The following SATB1 variants were observed in gnomAD, a reference collection of about 807,000 sequenced individuals.
The protein encoded by SATB1 is DNA-binding protein SATB1.
Under a neutral mutation model 86.9 loss-of-function variants are expected in SATB1, and 11 were observed. The ratio of observed to expected loss-of-function variants is 0.13; its 90% CI spans 0.08 to 0.21. The LOEUF (loss-of-function observed/expected upper bound fraction) is 0.21. Ranked by LOEUF, SATB1 falls within the 10% of genes least tolerant of loss-of-function variation. The pLI is 1.00. For missense variants in SATB1, 551 were observed against 937.6 expected (o/e 0.59, Z 5.39); for synonymous variants, 357 against 357.2 (o/e 1.00, Z 0.01).
Position 18,415,249 on chromosome 3 carries a change from G to C in SATB1, c.516-15C>G. The C allele has an allele frequency of 5.6e-6, 9 of 1,612,172 alleles. No homozygotes were observed. The highest frequency in any genetic ancestry group is 7.6e-6 in the Non-Finnish European group (9 of 1,178,728). On this transcript the variant is annotated splice_polypyrimidine_tract_variant and intron_variant, in intron 4 of 10. Coordinates refer to ENST00000338745, the MANE Select transcript of SATB1 (RefSeq NM_002971.6). ...GTTTGGGGCAACTATTTGAGACATA[G>C]ATTAGAAAGGGGATTATTACAAGAT...
At chr3:18,374,546 T>C (rs1294099563) in intron 9 of SATB1, among the ~76,000 whole-genome samples, 2 of 152,198 alleles carry the variant, frequency 1.3e-5, no homozygotes, top group Non-Finnish European at 2.9e-5. Context: ...TTTTAAAGTT[T>C]GCATTAGCCT....
chr3:18,420,634 G>T, intron 2 of SATB1, 123 bp downstream of exon 2: 2 of 760,706 alleles, frequency 2.6e-6, no homozygotes, highest in Non-Finnish European at 2.3e-6. Flanking sequence ...ACTAATGTAC[G>T]ATCATAAGGA....
At chr3:18,422,346 TC>T (rs1047013262) in intron 1 of SATB1, among the ~76,000 whole-genome samples, 6 of 152,168 alleles carry the variant, frequency 3.9e-5, no homozygotes, top group African/African-American at 1.4e-4. Context: ...TACCATATAA[TC>T]AAGAAAAGGG....
At chr3:18,404,134 T>G (rs1697403152) in intron 5 of SATB1, among the ~76,000 whole-genome samples, 1 of 152,104 alleles carries the variant, frequency 6.6e-6, no homozygotes. Flanking sequence ...GAAATGAATT[T>G]GTTGAAAATT....
chr3:18,407,208 C>G (rs902229968), intron 5 of SATB1, among the ~76,000 whole-genome samples: 2 of 152,048 alleles, frequency 1.3e-5, no homozygotes, highest in Non-Finnish European at 2.9e-5. Flanking sequence ...CCTAGGGTAT[C>G]ATATATGCTA....
At position 18,378,223 on chromosome 3, in the gene SATB1, G is replaced by A. The variant is rs375438006; in HGVS notation, c.1522C>T (p.Arg508Cys). Reference sequence around the variant, plus strand: ...AACAGTGCTTGAGACACTTTAGCACGCTTCATTTCCTGCTGAATCTCATCA... The same window carrying A: ...AACAGTGCTTGAGACACTTTAGCACACTTCATTTCCTGCTGAATCTCATCA... ...IYDEIQQEMK[R>C]AKVSQALFAK... The change falls in exon 9 of 11, where the codon CGT (arginine) becomes TGT (cysteine). Residue 508 changes from arginine (R) to cysteine (C), a missense_variant. By Grantham distance (180) the Arg-to-Cys change is radical. Transcript: ENST00000338745. 6.2e-7 allele frequency: 1 copy of A among 1,609,270 alleles called. No individual in the cohort carries two copies. Among genetic ancestry groups the A allele is most frequent in the African/African-American group, 1.3e-5 (1 of 74,652 alleles).
chr3:18,387,774 A>G (rs1696419083), intron 7 of SATB1, among the ~76,000 whole-genome samples: 1 of 152,212 alleles, frequency 6.6e-6, no homozygotes, highest in Admixed American at 6.5e-5. Context: ...TATCCTGCAG[A>G]AACAGTTAAA....
chr3:18,356,989 T>C (rs1484265854), intron 9 of SATB1, among the ~76,000 whole-genome samples: 2 of 151,834 alleles, frequency 1.3e-5, no homozygotes, highest in African/African-American at 4.8e-5. Context: ...GTATATATTA[T>C]CATTATGTAC....
intron 2 of SATB1, among the ~76,000 whole-genome samples, chr3:18,420,184 A>G (rs557423851): frequency 1.3e-5 from 2 of 152,202 alleles, no homozygotes; most frequent in Non-Finnish European, 2.9e-5. Flanking sequence ...TTCCCCTTAT[A>G]AACTTGCCTA....
In SATB1 at chr3:18,349,246, G is replaced by T. The variant is rs781346971; in HGVS notation, c.2216C>A (p.Thr739Asn). The stretch of plus-strand genomic sequence containing the variant: ...TTCTTCTAGTTTCACTGAAAAAAGG[G>T]TGTTAGTATTTTTATCTTGGACACT... ...EESVQDKNTN[T>N]LFSVKLEEEL... Residue 739 changes from threonine (T) to asparagine (N), a missense_variant, in exon 11 of 11, where the codon ACC (threonine) becomes AAC (asparagine). Physicochemically the swap from Thr to Asn is moderately conservative, Grantham distance 65. Around this residue, in one of 8 missense-constraint regions of SATB1, gnomAD observed 41 missense variants for 38.9 expected, o/e 1.06. Coordinates refer to ENST00000338745, the MANE Select transcript of SATB1 (RefSeq NM_002971.6). The surrounding 1 kb of genome is among the most constrained non-coding windows in gnomAD (Gnocchi z 5.5). The T allele has an allele frequency of 2.5e-6, 4 of 1,614,182 alleles. 1 individual carries two copies. In the South Asian group the frequency reaches 3.3e-5, roughly 13 times the overall value.
intron 9 of SATB1, among the ~76,000 whole-genome samples, chr3:18,372,177 G>A (rs1695507767): frequency 6.6e-6 from 1 of 152,168 alleles, no homozygotes; most frequent in Admixed American, 6.5e-5. Context: ...GCTGTAAAGG[G>A]ACCACTCTTG....
chr3:18,411,298 G>A (rs1326606282), intron 5 of SATB1, among the ~76,000 whole-genome samples: 3 of 152,038 alleles, frequency 2.0e-5, no homozygotes, highest in Non-Finnish European at 2.9e-5. Flanking sequence ...GAGTATGTAC[G>A]CCCACATGTG....
chr3:18,365,629 A>G (rs1303858481), intron 9 of SATB1, among the ~76,000 whole-genome samples: 8 of 152,198 alleles, frequency 5.3e-5, no homozygotes, highest in Admixed American at 3.3e-4. Context: ...AGGTGAGTAG[A>G]AAAGATGGTA....
chr3:18,425,566 G>A (rs548784583), upstream of SATB1, among the ~76,000 whole-genome samples: 1 of 151,166 alleles, frequency 6.6e-6, no homozygotes, highest in East Asian at 2.0e-4. Context: ...GGAATGGGGG[G>A]AGCGCACGAT....
At chr3:18,445,332 C>T (rs1221230281) in intron 1 of SATB1, 12 of 984,776 alleles carry the variant, frequency 1.2e-5, no homozygotes, top group Non-Finnish European at 1.1e-5. Flanking sequence ...TCCCGGGCTC[C>T]CTCCCAGCGC....
intron 9 of SATB1, among the ~76,000 whole-genome samples, chr3:18,376,986 T>G (rs1011056579): frequency 1.3e-5 from 2 of 152,304 alleles, no homozygotes; most frequent in Non-Finnish European, 2.9e-5. Context: ...GTCCACAGCT[T>G]GAGTTTAATC....
At chr3:18,367,271 C>T (rs1220582355) in intron 9 of SATB1, among the ~76,000 whole-genome samples, 3 of 152,154 alleles carry the variant, frequency 2.0e-5, no homozygotes, top group African/African-American at 7.2e-5. Flanking sequence ...AAATCAGGAG[C>T]CATGCCCTCT....
At chr3:18,399,316 A>C (rs1424760948) in intron 5 of SATB1, among the ~76,000 whole-genome samples, 2 of 152,136 alleles carry the variant, frequency 1.3e-5, no homozygotes, top group Non-Finnish European at 2.9e-5. Context: ...TCTGCCTACA[A>C]AGATGAGGCA....
At chr3:18,376,581 G>T (rs928016178) in intron 9 of SATB1, among the ~76,000 whole-genome samples, 1 of 144,010 alleles carries the variant, frequency 6.9e-6, no homozygotes, top group Non-Finnish European at 1.5e-5. Flanking sequence ...CAAGTAGGTG[G>T]GGGGGGGGAG....
Sources: gnomAD v4.1 joint callset for allele counts (sites outside exome capture counted in the v4.1 genomes callset) on GRCh38, gnomAD v4.1.1 for gene constraint, gnomAD v4.1.1 regional missense constraint, Gnocchi (gnomAD v3.1) non-coding constraint, MANE v1.5 for transcripts, NCBI Gene and HGNC (gene_info 2026-07-23, HGNC 2026-07-21) for gene names.